RBFOX1: variants seen among roughly 807,000 people sequenced by gnomAD.
RBFOX1 encodes the protein RNA binding fox-1 homolog 1, also known as RNA binding protein fox-1 homolog 1.
RBFOX1 carries 8 observed loss-of-function variants against 57.7 expected under a neutral mutation model. That is an observed-to-expected ratio of 0.14 (90% CI 0.08 to 0.25). The LOEUF (loss-of-function observed/expected upper bound fraction) is 0.25. Ranked by LOEUF, RBFOX1 falls within the 10% of genes least tolerant of loss-of-function variation. RBFOX1 has a pLI of 1.00. For missense variants in RBFOX1, 611 were observed against 548.5 expected, an observed-to-expected ratio of 1.11 and a Z score of -1.14; for synonymous variants, 326 against 222.4, an observed-to-expected ratio of 1.47 and a Z score of -4.15.
chr16:6,663,337 G>A (rs1189410797), intron 3 of RBFOX1, among the ~76,000 whole-genome samples: 2 of 152,196 alleles, frequency 1.3e-5, no homozygotes, highest in Non-Finnish European at 2.9e-5. Flanking sequence ...GATCAACACT[G>A]ACAATGGATT....
chr16:6,860,043 G>A (rs1347463830), intron 3 of RBFOX1, among the ~76,000 whole-genome samples: 2 of 152,152 alleles, frequency 1.3e-5, no homozygotes, highest in Non-Finnish European at 2.9e-5. Context: ...CTGATGGAAC[G>A]AGCTATAATA....
At chr16:7,319,536 T>C (rs2096506002) in intron 4 of RBFOX1, among the ~76,000 whole-genome samples, 1 of 152,158 alleles carries the variant, frequency 6.6e-6, no homozygotes, top group Non-Finnish European at 1.5e-5. Context: ...TTGGCATGGC[T>C]CTGCAGCAGT....
At chr16:5,726,389 A>G (rs2880431) in intron 3 of RBFOX1, among the ~76,000 whole-genome samples, 34,887 of 151,948 alleles carry the variant, frequency 0.23, 5,378 homozygotes, top group East Asian at 0.65. Flanking sequence ...CGCATCTACT[A>G]AACCTCCTCC....
chr16:5,710,864 C>G (rs1018950883), intron 3 of RBFOX1, among the ~76,000 whole-genome samples: 1 of 152,154 alleles, frequency 6.6e-6, no homozygotes, highest in Admixed American at 6.5e-5. Context: ...CTGGGGGAGC[C>G]AGAAAGGGAT....
At chr16:7,173,045 GAT>G (rs2081008470) in intron 4 of RBFOX1, among the ~76,000 whole-genome samples, 1 of 152,128 alleles carries the variant, frequency 6.6e-6, no homozygotes, top group Non-Finnish European at 1.5e-5. Context: ...GTAGAAATAA[GAT>G]ATTAGTACCC....
At chr16:6,659,332 G>A (rs1321915626) in intron 3 of RBFOX1, among the ~76,000 whole-genome samples, 1 of 151,584 alleles carries the variant, frequency 6.6e-6, no homozygotes, top group Non-Finnish European at 1.5e-5. Flanking sequence ...TTGCATGAAA[G>A]GAGTTTGAGT....
intron 2 of RBFOX1, among the ~76,000 whole-genome samples, chr16:6,328,609 C>T (rs1316099704): frequency 2.0e-5 from 3 of 152,148 alleles, no homozygotes; most frequent in African/African-American, 7.2e-5. Flanking sequence ...GGATTCAAAT[C>T]TTGGCCCTCT....
At chr16:6,181,819 A>G (rs950741765) in intron 1 of RBFOX1, among the ~76,000 whole-genome samples, 2 of 151,916 alleles carry the variant, frequency 1.3e-5, no homozygotes, top group African/African-American at 2.4e-5. Flanking sequence ...ATTAAGATGT[A>G]TTTCTTCCTT....
At chr16:6,509,278 C>T (rs8055926) in intron 2 of RBFOX1, among the ~76,000 whole-genome samples, 42,146 of 151,956 alleles carry the variant, frequency 0.28, 6,087 homozygotes, top group African/African-American at 0.31. Flanking sequence ...CTTATATATT[C>T]TGGTTATTAA....
chr16:6,816,489 C>A (rs977257757), intron 3 of RBFOX1, among the ~76,000 whole-genome samples: 3 of 148,800 alleles, frequency 2.0e-5, no homozygotes, highest in Non-Finnish European at 4.4e-5. Context: ...TGCCTGTAAT[C>A]TCAGTACTTT....
intron 3 of RBFOX1, among the ~76,000 whole-genome samples, chr16:6,680,136 C>A (rs902547688): frequency 3.9e-5 from 6 of 151,928 alleles, no homozygotes; most frequent in African/African-American, 9.7e-5. Flanking sequence ...AGAAGGACTA[C>A]CACATAGGGT....
intron 2 of RBFOX1, among the ~76,000 whole-genome samples, chr16:6,330,528 C>A (rs374317058): frequency 6.6e-6 from 1 of 152,150 alleles, no homozygotes; most frequent in South Asian, 2.1e-4. Context: ...TCATCTCTTC[C>A]TTACTGGAAT....
intron 1 of RBFOX1, among the ~76,000 whole-genome samples, chr16:5,375,514 A>AG (rs2065963407): frequency 6.6e-6 from 1 of 152,068 alleles, no homozygotes; most frequent in Admixed American, 6.5e-5. Context: ...GGGGCAGGGG[A>AG]GGGAGAGGAC....
intron 4 of RBFOX1, among the ~76,000 whole-genome samples, chr16:5,905,776 C>G (rs1465812997): frequency 2.0e-5 from 3 of 152,200 alleles, no homozygotes; most frequent in Non-Finnish European, 2.9e-5. Flanking sequence ...ATTTCTTGAT[C>G]TCAGGCTTCC....
At chr16:7,709,999 T>A (rs1012628026) in intron 15 of RBFOX1, 1 of 1,008,336 alleles carries the variant, frequency 9.9e-7, no homozygotes, top group African/African-American at 1.7e-5. Context: ...AGGAAATCGT[T>A]AAGTGCCACC....
chr16:6,130,566 C>G (rs1179346759), intron 1 of RBFOX1, among the ~76,000 whole-genome samples: 2 of 152,100 alleles, frequency 1.3e-5, no homozygotes, highest in Non-Finnish European at 2.9e-5. Flanking sequence ...AAACACTCCA[C>G]TTAAAGAGCA....
intron 3 of RBFOX1, among the ~76,000 whole-genome samples, chr16:5,797,021 A>G (rs999790675): frequency 6.6e-6 from 1 of 152,194 alleles, no homozygotes. Context: ...ACTGCAAAAG[A>G]TGACAGTCTA....
At chr16:7,217,002 C>G (rs117452889) in intron 4 of RBFOX1, among the ~76,000 whole-genome samples, 8 of 85,286 alleles carry the variant, frequency 9.4e-5, no homozygotes, top group Non-Finnish European at 1.2e-4. Flanking sequence ...CTTCCTCCCT[C>G]CCTCCCTTCC....
At chr16:7,483,163 G>A (rs957054332) in intron 4 of RBFOX1, among the ~76,000 whole-genome samples, 6 of 152,202 alleles carry the variant, frequency 3.9e-5, no homozygotes, top group Non-Finnish European at 7.3e-5. Flanking sequence ...GGATCGCAGA[G>A]CAGTGCAGAA....
Sources: gnomAD v4.1 joint callset for allele counts (sites outside exome capture counted in the v4.1 genomes callset) on GRCh38, gnomAD v4.1.1 for gene constraint, MANE v1.5 for transcripts, NCBI Gene and HGNC (gene_info 2026-07-23, HGNC 2026-07-21) for gene names.